Variants in TLE2 observed in about 807,000 individuals in gnomAD.
The protein encoded by TLE2 is TLE family member 2, transcriptional corepressor, also known as transducin-like enhancer protein 2.
TLE2 carries 74 observed loss-of-function variants against 97.2 expected under a neutral mutation model. That is an observed-to-expected ratio of 0.76 (90% CI 0.63 to 0.92). The LOEUF (loss-of-function observed/expected upper bound fraction) is 0.92, where lower values mean the gene tolerates loss of function less well. Ranked by LOEUF, TLE2 falls within the 40% of genes least tolerant of loss-of-function variation. The pLI, the probability that TLE2 is intolerant of heterozygous loss-of-function variation, is 0.00. For missense variants in TLE2, 1,038 were observed against 1,008.7 expected, an observed-to-expected ratio of 1.03 and a Z score of -0.39; for synonymous variants, 499 against 432.1, an observed-to-expected ratio of 1.15 and a Z score of -1.92.
At chr19:3,011,575 C>A (rs1336489462) in intron 11 of TLE2, among the ~76,000 whole-genome samples, 1 of 150,520 alleles carries the variant, frequency 6.6e-6, no homozygotes, top group Non-Finnish European at 1.5e-5. Flanking sequence ...ACAGGCCAGG[C>A]GCAGTGGCTC....
chr19:3,043,478 G>A (rs920778476), intron 1 of TLE2, among the ~76,000 whole-genome samples: 3 of 149,558 alleles, frequency 2.0e-5, no homozygotes, highest in African/African-American at 7.4e-5. Context: ...CGCCATGCCT[G>A]GCCTCTGCAG....
intron 14 of TLE2, among the ~76,000 whole-genome samples, 154 bp from the exon 15 acceptor site, chr19:3,006,823 C>T (rs1235264801): frequency 6.6e-6 from 1 of 152,014 alleles, no homozygotes; most frequent in East Asian, 1.9e-4. Context: ...CGCCGTGTCG[C>T]CCAGGCTGGA....
At chr19:3,045,231 G>T (rs1862350918) in intron 1 of TLE2, among the ~76,000 whole-genome samples, 1 of 152,136 alleles carries the variant, frequency 6.6e-6, no homozygotes, top group Non-Finnish European at 1.5e-5. Flanking sequence ...TAAAAATAAA[G>T]AATGCAGGAA....
intron 14 of TLE2, among the ~76,000 whole-genome samples, chr19:3,007,996 C>T (rs1448994413): frequency 2.6e-5 from 4 of 152,118 alleles, no homozygotes; most frequent in Admixed American, 6.6e-5. Flanking sequence ...GCAGGAGAAT[C>T]GCTTGAACCC....
At chr19:3,021,041 A>G (rs1287147052) in intron 5 of TLE2, among the ~76,000 whole-genome samples, 1 of 140,274 alleles carries the variant, frequency 7.1e-6, no homozygotes, top group East Asian at 2.2e-4. Context: ...GTGAGCCAAG[A>G]TTGCACCACT....
upstream of TLE2, among the ~76,000 whole-genome samples, chr19:3,046,150 C>G (rs2090139648): frequency 6.6e-6 from 1 of 152,206 alleles, no homozygotes; most frequent in African/African-American, 2.4e-5. Context: ...TGACTTATTC[C>G]TGCCCTTGAG....
chr19:3,025,682 G>A (rs990014149), intron 4 of TLE2: 5 of 891,976 alleles, frequency 5.6e-6, no homozygotes, highest in Admixed American at 1.2e-4. Flanking sequence ...GGGTGGGGAA[G>A]GGGGCGGGCA....
intron 1 of TLE2, among the ~76,000 whole-genome samples, chr19:3,037,140 C>T (rs886741354): frequency 6.6e-6 from 1 of 152,118 alleles, no homozygotes; most frequent in African/African-American, 2.4e-5. Context: ...CAAAAATTAG[C>T]CGGACATGGT....
chr19:3,044,362 C>T (rs1469241715), intron 1 of TLE2, among the ~76,000 whole-genome samples: 1 of 152,144 alleles, frequency 6.6e-6, no homozygotes, highest in Non-Finnish European at 1.5e-5. Context: ...AGCTCCTGGC[C>T]TGTAGGGCAG....
At chr19:3,007,728 G>T (rs1667710568) in intron 14 of TLE2, among the ~76,000 whole-genome samples, 2 of 152,138 alleles carry the variant, frequency 1.3e-5, no homozygotes, top group African/African-American at 4.8e-5. Flanking sequence ...CCAGCTAGAG[G>T]GTCTGTCCTA....
chr19:3,024,768 T>C (rs2089910833), intron 5 of TLE2, among the ~76,000 whole-genome samples: 1 of 152,186 alleles, frequency 6.6e-6, no homozygotes, highest in Admixed American at 6.5e-5. Flanking sequence ...GCTCTATGCC[T>C]TGCTTCCCAT....
chr19:3,018,556 G>C (rs1288803231), intron 7 of TLE2, among the ~76,000 whole-genome samples: 2 of 151,954 alleles, frequency 1.3e-5, no homozygotes, highest in African/African-American at 4.8e-5. Flanking sequence ...GTCTCCCAGA[G>C]TGCTGGGATT....
chr19:3,015,717 C>A lies in TLE2; in HGVS notation c.614G>T (p.Arg205Leu). Residue 205 changes from arginine to leucine, a missense_variant, in exon 9 of 20, where the codon CGA becomes CTA. Transcript: ENST00000262953. ...SPPESLVEEE[R>L]PSGPGGGGKQ... Reference sequence around the variant, plus strand: ...CCCGCCACCACCAGGGCCACTCGGTCGCTCCTCCTCCACGAGACTCTCAGG... The same window carrying A: ...CCCGCCACCACCAGGGCCACTCGGTAGCTCCTCCTCCACGAGACTCTCAGG... 4 of 1,611,438 alleles carry A rather than the reference C, an allele frequency of 2.5e-6. No homozygotes were observed. Among genetic ancestry groups the A allele is most frequent in the Non-Finnish European group, 3.4e-6 (4 of 1,179,332 alleles).
intron 1 of TLE2, among the ~76,000 whole-genome samples, chr19:3,045,114 C>T (rs1035414463): frequency 7.9e-5 from 12 of 151,928 alleles, no homozygotes; most frequent in Non-Finnish European, 1.8e-4. Context: ...CTTAGGAGGC[C>T]GACATGGGAG....
chr19:3,013,999 T>TC (rs2089650884), intron 10 of TLE2, among the ~76,000 whole-genome samples, 181 bp from the exon 11 acceptor site: 2 of 151,994 alleles, frequency 1.3e-5, no homozygotes, highest in Admixed American at 6.6e-5. Flanking sequence ...TTTTTTTTTT[T>TC]TTTGAGTCTC....
At chr19:3,032,202 G>C (rs1374687333), upstream of TLE2, among the ~76,000 whole-genome samples, 1 of 151,774 alleles carries the variant, frequency 6.6e-6, no homozygotes, top group Non-Finnish European at 1.5e-5. This position sits in a 1 kb window ranked among gnomAD's most constrained non-coding sequence, Gnocchi z 4.1. Flanking sequence ...AAAGTGCTGG[G>C]ATTACAGGCG....
chr19:3,016,569 G>A (rs1341577071), intron 8 of TLE2, among the ~76,000 whole-genome samples: 5 of 137,544 alleles, frequency 3.6e-5, no homozygotes, highest in Admixed American at 2.2e-4. Context: ...CAGCCTGGGC[G>A]ACAGGGCAAG....
Position 3,029,148 on chromosome 19 carries a change from C to T in TLE2, c.-244G>A. On this transcript the variant is annotated 5_prime_UTR_variant, in exon 1 of 20. Coordinates refer to ENST00000262953, the MANE Select transcript of TLE2 (RefSeq NM_003260.5). ...CGAGCGGGGCGGGCAGGGGCAGCGG[C>T]CGGGGCGGGAGCGCGGCGAGGGCGG... The T allele has an allele frequency of 1.0e-6, 1 of 975,842 alleles. No individual in the cohort carries two copies. Among genetic ancestry groups the T allele is most frequent in the Non-Finnish European group, 1.2e-6 (1 of 814,286 alleles). 60.4% of individuals were successfully genotyped at this position (975,842 alleles called of 1,614,324 possible). A position where few individuals can be genotyped will look rare whatever the true frequency, so the allele number is the denominator to read the frequency against.
chr19:2,999,758 C>T (rs934506171), intron 19 of TLE2, among the ~76,000 whole-genome samples: 45 of 141,182 alleles, frequency 3.2e-4, no homozygotes, highest in East Asian at 1.3e-3. Context: ...AACAGCTGGG[C>T]GCAGTGGCTC....
Sources: gnomAD v4.1 joint callset for allele counts (sites outside exome capture counted in the v4.1 genomes callset) on GRCh38, gnomAD v4.1.1 for gene constraint, Gnocchi (gnomAD v3.1) non-coding constraint, MANE v1.5 for transcripts, NCBI Gene and HGNC (gene_info 2026-07-23, HGNC 2026-07-21) for gene names.